Variants in GIPC2 observed in about 807,000 individuals in gnomAD.
GIPC2 encodes the protein GIPC PDZ domain containing family member 2, also known as PDZ domain-containing protein GIPC2.
A neutral mutation model predicts 30.6 loss-of-function variants in GIPC2; 30 were observed. The ratio of observed to expected loss-of-function variants is 0.98; its 90% confidence interval spans 0.73 to 1.33. GIPC2 has a LOEUF of 1.33. Ranked by LOEUF, GIPC2 falls within the 40% of genes most tolerant of loss-of-function variation. The pLI is 0.00. For missense variants in GIPC2, 414 were observed against 390.3 expected (o/e 1.06, Z -0.51); for synonymous variants, 167 against 150.0 (o/e 1.11, Z -0.83).
chr1:78,105,631 A>G (rs975341358), intron 3 of GIPC2, among the ~76,000 whole-genome samples: 2 of 152,158 alleles, frequency 1.3e-5, no homozygotes, highest in Admixed American at 6.5e-5. Context: ...AATAACAACC[A>G]TGAATAGGAG....
intron 5 of GIPC2, among the ~76,000 whole-genome samples, chr1:78,129,007 AAAAT>A (rs146694059): frequency 4.2e-5 from 6 of 142,624 alleles, no homozygotes; most frequent in East Asian, 4.2e-4. Context: ...CCTGTCTCTA[AAAAT>A]AAATAAATAA....
intron 5 of GIPC2, among the ~76,000 whole-genome samples, chr1:78,131,340 C>G (rs1391503916): frequency 6.6e-6 from 1 of 152,094 alleles, no homozygotes; most frequent in African/African-American, 2.4e-5. Context: ...TCCCGAGTAG[C>G]TGGGACCACA....
At chr1:78,101,375 C>G (rs1662246625) in intron 3 of GIPC2, among the ~76,000 whole-genome samples, 1 of 152,144 alleles carries the variant, frequency 6.6e-6, no homozygotes, top group African/African-American at 2.4e-5. Context: ...GTTTTTCAAC[C>G]AGTAGGTTTC....
At chr1:78,070,095 G>A (rs1661589496) in intron 1 of GIPC2, among the ~76,000 whole-genome samples, 1 of 152,120 alleles carries the variant, frequency 6.6e-6, no homozygotes, top group African/African-American at 2.4e-5. Context: ...GGAACACAGT[G>A]CTCTACGAAC....
intron 3 of GIPC2, among the ~76,000 whole-genome samples, chr1:78,100,024 A>G (rs1163934846): frequency 6.6e-6 from 1 of 152,216 alleles, no homozygotes; most frequent in Non-Finnish European, 1.5e-5. Flanking sequence ...GAAGAGGCAG[A>G]GGGGTAACAT....
chr1:78,046,311 G>A lies in GIPC2; in HGVS notation c.217G>A (p.Ala73Thr). 1 of 1,611,354 alleles carries A rather than the reference G, an allele frequency of 6.2e-7. No individual in the cohort carries two copies. The highest frequency in any genetic ancestry group is 1.1e-5 in the South Asian group (1 of 90,898). The part of the protein sequence containing the change: ...IQELYAQIAG[A>T]FEISPSEILY... ...GGAGCTCTACGCCCAGATCGCGGGC[G>A]CGTTTGAAATCTCGCCGTCGGAGGT... The change falls in exon 1 of 6, where the codon GCG becomes ACG. Residue 73 changes from alanine to threonine, a missense_variant. Transcript: ENST00000370759.
intron 3 of GIPC2, among the ~76,000 whole-genome samples, chr1:78,099,801 G>A (rs1324353660): frequency 2.0e-5 from 3 of 151,748 alleles, no homozygotes; most frequent in East Asian, 1.9e-4. Context: ...TGCTTACTTA[G>A]TGGATGAATT....
intron 1 of GIPC2, among the ~76,000 whole-genome samples, chr1:78,063,687 C>A (rs923042082): frequency 1.3e-5 from 2 of 151,972 alleles, no homozygotes; most frequent in African/African-American, 4.8e-5. Flanking sequence ...GGGTTCGAAA[C>A]CAGCCTGGCC....
intron 3 of GIPC2, among the ~76,000 whole-genome samples, chr1:78,097,002 C>T (rs1035313437): frequency 1.3e-5 from 2 of 152,146 alleles, no homozygotes; most frequent in African/African-American, 4.8e-5. Context: ...GGCTGCTCTG[C>T]CTGTCCTCCA....
chr1:78,137,969 T>C lies in GIPC2; in HGVS notation c.*2226T>C, dbSNP rs950327166. ...CATTTTATTGGCATCACTAGATGTTTTTAGGACCCTGTCCTTTTCACTTTT... is the reference window on the plus strand; with the variant it reads ...CATTTTATTGGCATCACTAGATGTTCTTAGGACCCTGTCCTTTTCACTTTT... On this transcript the variant is annotated 3_prime_UTR_variant, in exon 6 of 6. Transcript: ENST00000370759. 1.3e-5 allele frequency: 2 copies of C among 152,108 alleles called. No homozygotes were observed. Among genetic ancestry groups the C allele is most frequent in the African/African-American group, 4.8e-5 (2 of 41,438 alleles). The allele number at this position is 152,108 out of a possible 1,614,324, so 9.4% of individuals were successfully genotyped here.
intron 1 of GIPC2, among the ~76,000 whole-genome samples, chr1:78,079,817 G>T (rs1661791216): frequency 6.6e-6 from 1 of 152,148 alleles, no homozygotes; most frequent in East Asian, 1.9e-4. Flanking sequence ...GCACATTTTA[G>T]TCAAGTGAGT....
In GIPC2 at chr1:78,125,965, A is replaced by G. The variant is rs1037786942; in HGVS notation, c.796+3A>G. ...GGGAATTCGAGATATTGATTTAGGT[A>G]AGATTATACTATTTAAAAAAGTCTT... On this transcript the variant is annotated splice_donor_region_variant and intron_variant, in intron 5 of 5. Transcript: ENST00000370759. The G allele has an allele frequency of 2.9e-6, 4 of 1,372,712 alleles. No homozygotes were observed. Among genetic ancestry groups the G allele is most frequent in the Non-Finnish European group, 4.2e-6 (4 of 961,188 alleles). 85.0% of individuals were successfully genotyped at this position (1,372,712 alleles called of 1,614,324 possible). A position where few individuals can be genotyped will look rare whatever the true frequency, so the allele number is the denominator to read the frequency against.
At chr1:78,133,484 G>C (rs935742680) in intron 5 of GIPC2, among the ~76,000 whole-genome samples, 2 of 152,116 alleles carry the variant, frequency 1.3e-5, no homozygotes, top group Non-Finnish European at 2.9e-5. Context: ...TAGAGAATGG[G>C]GATATCTCTT....
rs762098841 is a variant in GIPC2 at position 78,046,022 on chromosome 1, C to G, written c.-73C>G. 2.9e-6 allele frequency: 4 copies of G among 1,395,740 alleles called. No individual in the cohort carries two copies. Among genetic ancestry groups the G allele is most frequent in the Non-Finnish European group, 3.7e-6 (4 of 1,077,594 alleles). The allele number at this position is 1,395,740 out of a possible 1,614,324, so 86.5% of individuals were successfully genotyped here. On this transcript the variant is annotated 5_prime_UTR_variant, in exon 1 of 6. Transcript: ENST00000370759. ...TTTTACCTGCGCGGGGCCCGGGGCG[C>G]AAAGTCCGAGGCGCCGGGGGGAGGA...
intron 3 of GIPC2, among the ~76,000 whole-genome samples, chr1:78,102,479 A>G (rs1473765772): frequency 2.6e-5 from 4 of 152,232 alleles, no homozygotes; most frequent in Non-Finnish European, 5.9e-5. Context: ...ATTTCAATCA[A>G]TTAATACTTT....
chr1:78,100,556 G>T (rs1032985204), intron 3 of GIPC2, among the ~76,000 whole-genome samples: 1 of 152,108 alleles, frequency 6.6e-6, no homozygotes, highest in Non-Finnish European at 1.5e-5. Flanking sequence ...AGATATGGGC[G>T]AGGAGATAGG....
Position 78,080,805 on chromosome 1 carries a change from A to G in GIPC2, c.371A>G (p.Glu124Gly), listed in dbSNP as rs1200412526. 1 of 1,610,278 alleles carries G rather than the reference A, an allele frequency of 6.2e-7. No individual in the cohort carries two copies. Among genetic ancestry groups the G allele is most frequent in the East Asian group, 2.2e-5 (1 of 44,764 alleles). The change falls in exon 2 of 6, where the codon GAG becomes GGG. Residue 124 changes from glutamate (E) to glycine (G), a missense_variant. By Grantham distance (98) the Glu-to-Gly change is moderately conservative. Coordinates refer to ENST00000370759, the MANE Select transcript of GIPC2 (RefSeq NM_017655.6). ...AAAGAAGTGAATGTGTATAAATCTG[A>G]GGATTCACTTGGTCTCACCATTACA... is the stretch of plus-strand genomic sequence containing the variant. ...IEKEVNVYKS[E>G]DSLGLTITDN...
chr1:78,091,048 G>T (rs1662027746), intron 2 of GIPC2, among the ~76,000 whole-genome samples: 1 of 152,120 alleles, frequency 6.6e-6, no homozygotes, highest in South Asian at 2.1e-4. Flanking sequence ...TGTACTTTAG[G>T]TCAGAAGACC....
chr1:78,081,462 T>C (rs78385047), intron 2 of GIPC2, among the ~76,000 whole-genome samples: 1,701 of 152,304 alleles, frequency 0.011, 36 homozygotes, highest in African/African-American at 0.039. Context: ...AATCTAGAGA[T>C]GATTTAAAGT....
Sources: gnomAD v4.1 joint callset for allele counts (sites outside exome capture counted in the v4.1 genomes callset) on GRCh38, gnomAD v4.1.1 for gene constraint, MANE v1.5 for transcripts, NCBI Gene and HGNC (gene_info 2026-07-23, HGNC 2026-07-21) for gene names.